The following RET variants were observed in gnomAD, a reference collection of about 807,000 sequenced individuals.
RET encodes the protein proto-oncogene tyrosine-protein kinase receptor Ret.
In RET, 19 loss-of-function variants were observed where a neutral mutation model predicts 118.3. That is an observed-to-expected ratio of 0.16 (90% CI 0.11 to 0.24). RET has a LOEUF of 0.24. RET is among the 10% of genes least tolerant of loss of function. RET has a pLI of 1.00. For missense variants in RET, 1,219 were observed against 1,502.1 expected, an observed-to-expected ratio of 0.81 and a Z score of 3.12; for synonymous variants, 597 against 644.1, an observed-to-expected ratio of 0.93 and a Z score of 1.11.
chr10:43,095,084 A>G (rs1368773980), intron 1 of RET, among the ~76,000 whole-genome samples: 1 of 151,528 alleles, frequency 6.6e-6, no homozygotes, highest in African/African-American at 2.4e-5. Flanking sequence ...CAGGGAAGGA[A>G]CCCCTTCCCA....
chr10:43,115,300 A>T (rs1245505423), intron 11 of RET, among the ~76,000 whole-genome samples: 1 of 152,198 alleles, frequency 6.6e-6, no homozygotes, highest in African/African-American at 2.4e-5. Context: ...GCCTCCAGGG[A>T]GGAAGCTGAG....
Position 43,114,799 on chromosome 10 carries a change from G to A in RET, c.2136+63G>A, listed in dbSNP as rs2132857150. 2.0e-6 allele frequency: 3 copies of A among 1,520,652 alleles called. No individual in the cohort carries two copies. The highest frequency in any genetic ancestry group is 2.6e-6 in the Non-Finnish European group (3 of 1,133,946). The allele number at this position is 1,520,652 out of a possible 1,614,324, so 94.2% of individuals were successfully genotyped here. A position where few individuals can be genotyped will look rare whatever the true frequency, so the allele number is the denominator to read the frequency against. ...TCCCCAGCTGCCTTCCAGGGAGGGA[G>A]GCCAGCTGGGGAGACAGAGGCCATC... On this transcript the variant is annotated intron_variant, in intron 11 of 19. Transcript: ENST00000355710. The surrounding 1 kb of genome is among the most constrained non-coding windows in gnomAD (Gnocchi z 4.6).
intron 1 of RET, among the ~76,000 whole-genome samples, chr10:43,093,172 A>G (rs369623999): frequency 3.9e-5 from 6 of 152,196 alleles, no homozygotes; most frequent in African/African-American, 1.4e-4. Flanking sequence ...AGCCCTGATG[A>G]GGAGCTATGT....
At position 43,114,437 on chromosome 10, in the gene RET, G is replaced by C. The variant is rs371135446; in HGVS notation, c.1880-43G>C. ...TACGCAGCCTGTACCCAGTGGTGCCGAGCCTCTGGCGGTGCCAAGCCTCAC... is the reference window on the plus strand; with the variant it reads ...TACGCAGCCTGTACCCAGTGGTGCCCAGCCTCTGGCGGTGCCAAGCCTCAC... On this transcript the variant is annotated intron_variant, in intron 10 of 19. Coordinates refer to ENST00000355710, the MANE Select transcript of RET (RefSeq NM_020975.6). The surrounding 1 kb of genome is among the most constrained non-coding windows in gnomAD (Gnocchi z 4.6). 1 of 1,602,030 alleles carries C rather than the reference G, an allele frequency of 6.2e-7. No individual in the cohort carries two copies. Among genetic ancestry groups the C allele is most frequent in the Non-Finnish European group, 8.5e-7 (1 of 1,179,818 alleles).
intron 12 of RET, among the ~76,000 whole-genome samples, chr10:43,117,261 C>T (rs954992503): frequency 6.6e-6 from 1 of 152,256 alleles, no homozygotes; most frequent in Non-Finnish European, 1.5e-5. Flanking sequence ...GGCTGAATGG[C>T]GGTGAGGGAG....
chr10:43,120,399 C>G (rs1838188718), intron 15 of RET, among the ~76,000 whole-genome samples, 196 bp downstream of exon 15: 5 of 152,234 alleles, frequency 3.3e-5, no homozygotes, highest in Admixed American at 3.3e-4. Context: ...CTGCCATGTC[C>G]TTCTCCTCCA....
chr10:43,130,296 T>C lies in RET; in HGVS notation c.*2027T>C. On this transcript the variant is annotated 3_prime_UTR_variant, in exon 20 of 20. Coordinates refer to ENST00000355710, the MANE Select transcript of RET (RefSeq NM_020975.6). ...TTAAACCAGATCATGTTCCTTTTTTTGTAATCAAGGTGACTAAGAAAATCA... is the reference window on the plus strand; with the variant it reads ...TTAAACCAGATCATGTTCCTTTTTTCGTAATCAAGGTGACTAAGAAAATCA... The C allele has an allele frequency of 2.9e-6, 1 of 344,180 alleles. No individual in the cohort carries two copies. The allele number at this position is 344,180 out of a possible 1,614,324, so 21.3% of individuals were successfully genotyped here.
intron 11 of RET, among the ~76,000 whole-genome samples, chr10:43,115,739 G>C (rs1265217240): frequency 6.6e-6 from 1 of 152,260 alleles, no homozygotes; most frequent in Non-Finnish European, 1.5e-5. Flanking sequence ...CTCAACCTCA[G>C]TATTTGAGAG....
In RET at chr10:43,113,567, G is replaced by A. The variant is rs776013456; in HGVS notation, c.1771G>A (p.Val591Ile). Residue 591 changes from valine to isoleucine, a missense_variant, in exon 10 of 20, where the codon GTT (valine) becomes ATT (isoleucine). Transcript: ENST00000355710. ...CPQDCLRGSIVGGHEPGEPRG... is the reference protein window; with the variant it reads ...CPQDCLRGSIIGGHEPGEPRG... ...ACGTCTGCCCTCAGGGGGCAGCATT[G>A]TTGGGGGACACGAGCCTGGGGAGCC... The A allele has an allele frequency of 3.9e-5, 63 of 1,608,796 alleles. No homozygotes were observed. Among genetic ancestry groups the A allele is most frequent in the Non-Finnish European group, 4.9e-5 (58 of 1,178,434 alleles).
At position 43,095,057 on chromosome 10, in the gene RET, C is replaced by T. The variant is rs542418047; in HGVS notation, c.74-5402C>T. On this transcript the variant is annotated intron_variant, in intron 1 of 19. Coordinates refer to ENST00000355710, the MANE Select transcript of RET (RefSeq NM_020975.6). Reference sequence around the variant, plus strand: ...TGGGGAGAGCTCTGTGGGGCACCCTCAGCTGCAGGTGGGCACCAGGGAAGG... The same window carrying T: ...TGGGGAGAGCTCTGTGGGGCACCCTTAGCTGCAGGTGGGCACCAGGGAAGG... 3.3e-5 allele frequency among the ~76,000 whole-genome samples: 5 copies of T among 152,224 alleles called. No individual in the cohort carries two copies. In the South Asian group the frequency reaches 1.0e-3, roughly 32 times the overall value.
chr10:43,112,739 C>A (rs1837968666), intron 8 of RET, 114 bp from the exon 9 acceptor site: 1 of 799,092 alleles, frequency 1.3e-6, no homozygotes, highest in Non-Finnish European at 2.1e-6. Context: ...ATGGTGTTTC[C>A]CTACTCAGGC....
At chr10:43,084,956 ACT>A (rs1837259031) in intron 1 of RET, among the ~76,000 whole-genome samples, 2 of 152,082 alleles carry the variant, frequency 1.3e-5, no homozygotes, top group Admixed American at 1.3e-4. Context: ...CTGAACCCTG[ACT>A]CTAAAAATAA....
At chr10:43,099,642 G>A (rs1837593535) in intron 1 of RET, among the ~76,000 whole-genome samples, 1 of 152,174 alleles carries the variant, frequency 6.6e-6, no homozygotes, top group African/African-American at 2.4e-5. Context: ...CCCTTCTCAG[G>A]ATATGGGACC....
chr10:43,119,864 C>A, intron 14 of RET, 119 bp downstream of exon 14: 1 of 1,305,552 alleles, frequency 7.7e-7, no homozygotes, highest in Non-Finnish European at 1.1e-6. Flanking sequence ...TCTAGCCCAC[C>A]ATGCCCCTGC....
intron 1 of RET, among the ~76,000 whole-genome samples, chr10:43,078,919 G>C (rs1332211975): frequency 1.3e-5 from 2 of 152,200 alleles, no homozygotes; most frequent in African/African-American, 4.8e-5. Flanking sequence ...GAGTGAAGAG[G>C]CAGCCCCACT....
Position 43,118,392 on chromosome 10 carries a change from G to T in RET, c.2304G>T (p.Glu768Asp), listed in dbSNP as rs78014899. ...KMLKENASPS[E>D]LRDLLSEFNV... ...TTTCAGAGAACGCCTCCCCGAGTGA[G>T]CTGCGAGACCTGCTGTCAGAGTTCA... Residue 768 changes from glutamate to aspartate, a missense_variant, in exon 13 of 20, where the codon GAG (glutamate) becomes GAT (aspartate). Physicochemically the swap from Glu to Asp is conservative, Grantham distance 45. This residue lies in a region of RET where 850 missense variants were observed against 969.6 expected (regional missense o/e 0.88). Transcript: ENST00000355710. The T allele has an allele frequency of 1.9e-6, 3 of 1,614,122 alleles. No individual in the cohort carries two copies. The highest frequency in any genetic ancestry group is 2.5e-6 in the Non-Finnish European group (3 of 1,180,002).
At position 43,111,200 on chromosome 10, in the gene RET, C is replaced by G. The variant is rs772930754; in HGVS notation, c.1264-7C>G. 6.2e-7 allele frequency: 1 copy of G among 1,613,622 alleles called. No homozygotes were observed. Among genetic ancestry groups the G allele is most frequent in the South Asian group, 1.1e-5 (1 of 91,078 alleles). On this transcript the variant is annotated splice_region_variant and splice_polypyrimidine_tract_variant and intron_variant, in intron 6 of 19. Transcript: ENST00000355710. ...CCTGGCTAAGGTGTTCCCCTGTGCC[C>G]CCCTAGATCGGGAAAGTCTGTGTGG...
At chr10:43,095,740 A>C (rs1250836516) in intron 1 of RET, among the ~76,000 whole-genome samples, 1 of 152,170 alleles carries the variant, frequency 6.6e-6, no homozygotes, top group Non-Finnish European at 1.5e-5. Flanking sequence ...CTGTGCGTGC[A>C]TACATATACA....
chr10:43,078,308 C>T (rs916995492), intron 1 of RET, among the ~76,000 whole-genome samples: 4 of 152,246 alleles, frequency 2.6e-5, no homozygotes, highest in African/African-American at 4.8e-5. Flanking sequence ...GCCATCCTCC[C>T]TCACTCCTTA....
Sources: allele counts gnomAD v4.1 joint callset (sites outside exome capture counted in the v4.1 genomes callset), GRCh38; gene constraint gnomAD v4.1.1; regional missense constraint gnomAD v4.1.1; non-coding constraint Gnocchi (gnomAD v3.1); transcripts MANE v1.5; gene names NCBI Gene and HGNC (gene_info 2026-07-23, HGNC 2026-07-21).